Variants in DMXL2 observed in about 807,000 individuals in gnomAD.
DMXL2 encodes the protein Dmx like 2, also known as dmX-like protein 2.
In DMXL2, 103 loss-of-function variants were observed where a neutral mutation model predicts 331.1. The observed-to-expected ratio is 0.31, with a 90% CI of 0.27 to 0.37. The LOEUF is 0.37. Ranked by LOEUF, DMXL2 falls within the 10% of genes least tolerant of loss-of-function variation. The probability of loss-of-function intolerance (pLI) is 1.00; values close to 1 mark genes in which losing one functional copy is unlikely to be tolerated. For synonymous variants in DMXL2, 1,281 were observed against 1,252.1 expected (o/e 1.02, Z -0.49); for missense variants, 3,171 against 3,642.9 (o/e 0.87, Z 3.33).
chr15:51,594,252 A>G (rs2052618361), intron 1 of DMXL2, among the ~76,000 whole-genome samples: 1 of 152,226 alleles, frequency 6.6e-6, no homozygotes, highest in Non-Finnish European at 1.5e-5. Context: ...GATCCCACAG[A>G]AATACAAACT....
At chr15:51,490,535 A>G (rs2042720012) in intron 20 of DMXL2, among the ~76,000 whole-genome samples, 2 of 152,248 alleles carry the variant, frequency 1.3e-5, no homozygotes, top group Non-Finnish European at 1.5e-5. Context: ...TAATCCTGCT[A>G]AAGTAGAAAA....
At chr15:51,620,105 C>T (rs1289619782) in intron 1 of DMXL2, among the ~76,000 whole-genome samples, 1 of 152,156 alleles carries the variant, frequency 6.6e-6, no homozygotes, top group Non-Finnish European at 1.5e-5. Context: ...TATTTACAAA[C>T]ATAGGAACTT....
At chr15:51,535,820 A>G (rs1308663482) in intron 12 of DMXL2, 36 bp from the exon 13 acceptor site, 2 of 1,561,928 alleles carry the variant, frequency 1.3e-6, no homozygotes, top group East Asian at 2.3e-5. Context: ...GGTTCTAAAC[A>G]TGTAGTGTAT....
chr15:51,491,883 A>G, intron 19 of DMXL2, 136 bp from the exon 20 acceptor site: 1 of 677,310 alleles, frequency 1.5e-6, no homozygotes, highest in South Asian at 2.4e-5. Flanking sequence ...GCAGTCTGTC[A>G]TCATTCAGGA....
intron 25 of DMXL2, 101 bp downstream of exon 25, chr15:51,479,847 G>T: frequency 1.2e-6 from 1 of 829,296 alleles, no homozygotes; most frequent in Non-Finnish European, 1.7e-6. Flanking sequence ...GAGAAAGGTA[G>T]CACTTTGAAA....
At chr15:51,503,486 T>G (rs963018158) in intron 16 of DMXL2, among the ~76,000 whole-genome samples, 5 of 152,124 alleles carry the variant, frequency 3.3e-5, no homozygotes, top group Admixed American at 3.3e-4. Flanking sequence ...AATACAAATA[T>G]CACCTGTTCT....
rs776367691 is a variant in DMXL2, at chr15:51,537,523, C to A, written c.1582G>T (p.Asp528Tyr). 1 of 1,613,432 alleles carries A rather than the reference C, an allele frequency of 6.2e-7. No individual in the cohort carries two copies. Among genetic ancestry groups the A allele is most frequent in the Admixed American group, 1.7e-5 (1 of 59,966 alleles). Residue 528 changes from aspartate (D) to tyrosine (Y), a missense_variant, in exon 11 of 44, where the codon GAT becomes TAT. Physicochemically the swap from Asp to Tyr is radical, Grantham distance 160. This residue lies in a region of DMXL2 where 1,674 missense variants were observed against 1,780.2 expected (regional missense o/e 0.94). Coordinates refer to ENST00000560891, the MANE Select transcript of DMXL2 (RefSeq NM_001378457.1). ...TFLVWHVKYL[D>Y]EYNPGIFRQV... ...CTAAATATTCCAGGATTATATTCAT[C>A]CAAATACTTCACATGCCACACTAGA...
In DMXL2 at chr15:51,486,347, T is replaced by G; in HGVS notation, c.5218-10A>C. 1 of 1,540,042 alleles carries G rather than the reference T, an allele frequency of 6.5e-7. No homozygotes were observed. Among genetic ancestry groups the G allele is most frequent in the Non-Finnish European group, 8.9e-7 (1 of 1,118,758 alleles). On this transcript the variant is annotated splice_polypyrimidine_tract_variant and intron_variant, in intron 22 of 43. Coordinates refer to ENST00000560891, the MANE Select transcript of DMXL2 (RefSeq NM_001378457.1). The stretch of plus-strand genomic sequence containing the variant: ...TTTTTTCAAGACATACCTGCAAATT[T>G]AAATATTAATACTTATCTTACTTAA...
chr15:51,613,347 G>GA (rs1797168123), intron 1 of DMXL2, among the ~76,000 whole-genome samples: 1 of 152,164 alleles, frequency 6.6e-6, no homozygotes, highest in Non-Finnish European at 1.5e-5. Flanking sequence ...TTAATTTGGG[G>GA]AACTAATAAA....
chr15:51,539,104 G>A (rs2048445203), intron 9 of DMXL2, among the ~76,000 whole-genome samples: 1 of 151,834 alleles, frequency 6.6e-6, no homozygotes, highest in Admixed American at 6.6e-5. Flanking sequence ...CATCTACTTG[G>A]GAGGCTTAAG....
chr15:51,481,373 T>C lies in DMXL2; in HGVS notation c.5733A>G (p.Val1911=), dbSNP rs781477077. The change falls in exon 24 of 44, where the codon GTA becomes GTG. Residue 1911 remains valine, a synonymous_variant. Transcript: ENST00000560891. Reference sequence around the variant, plus strand: ...TTGCAGATAAGGCAGATGTTTTGGTTACTTTTGGAATTTTGGAGAGTACCT... The same window carrying C: ...TTGCAGATAAGGCAGATGTTTTGGTCACTTTTGGAATTTTGGAGAGTACCT... ...ALEVLSKIPK[V]TKTSALSAKK... is the part of the protein sequence containing the mutation. 3 of 1,613,926 alleles carry C rather than the reference T, an allele frequency of 1.9e-6. No homozygotes were observed. The highest frequency in any genetic ancestry group is 2.2e-5 in the South Asian group (2 of 91,040).
Position 51,536,256 on chromosome 15 carries a change from C to T in DMXL2, c.2224G>A (p.Val742Ile). ...GAGTTAATTCGAGCCAATTCTGATACTCCTCCAGTGTATGACAAAGGTCCT... is the reference window on the plus strand; with the variant it reads ...GAGTTAATTCGAGCCAATTCTGATATTCCTCCAGTGTATGACAAAGGTCCT... ...PIGPLSYTGG[V>I]SELARINSLH... Residue 742 changes from valine to isoleucine, a missense_variant, in exon 12 of 44, where the codon GTA becomes ATA. Physicochemically the swap from Val to Ile is conservative, Grantham distance 29 (BLOSUM62 3). Coordinates refer to ENST00000560891, the MANE Select transcript of DMXL2 (RefSeq NM_001378457.1). 6.2e-7 allele frequency: 1 copy of T among 1,613,996 alleles called. No individual in the cohort carries two copies. The highest frequency in any genetic ancestry group is 8.5e-7 in the Non-Finnish European group (1 of 1,179,936).
chr15:51,576,342 T>C (rs1043222961), intron 1 of DMXL2, among the ~76,000 whole-genome samples, 161 bp from the exon 2 acceptor site: 3 of 152,064 alleles, frequency 2.0e-5, no homozygotes, highest in Non-Finnish European at 2.9e-5. Flanking sequence ...AATAAGAACA[T>C]TAAAAGTCAC....
At chr15:51,599,088 C>T (rs774902452) in intron 1 of DMXL2, among the ~76,000 whole-genome samples, 2 of 151,992 alleles carry the variant, frequency 1.3e-5, no homozygotes, top group Non-Finnish European at 2.9e-5. Context: ...GGTTATAATC[C>T]ACTATCATTT....
intron 6 of DMXL2, among the ~76,000 whole-genome samples, chr15:51,562,817 T>C (rs911015826): frequency 8.5e-5 from 13 of 152,168 alleles, no homozygotes; most frequent in Admixed American, 3.3e-4. Flanking sequence ...TATGTGTATA[T>C]ATTAGATGTG....
At chr15:51,550,751 C>A (rs1011901561) in intron 6 of DMXL2, among the ~76,000 whole-genome samples, 3 of 151,994 alleles carry the variant, frequency 2.0e-5, no homozygotes, top group African/African-American at 7.3e-5. Context: ...GTAAGCGAAC[C>A]AGAGAAAACC....
intron 1 of DMXL2, among the ~76,000 whole-genome samples, chr15:51,621,478 C>T (rs796218634): frequency 1.7e-4 from 26 of 152,300 alleles, no homozygotes; most frequent in African/African-American, 5.1e-4. Context: ...TAATAAAGGT[C>T]TGGCTGCCTA....
chr15:51,476,082 A>C (rs574410410), intron 27 of DMXL2, among the ~76,000 whole-genome samples: 3 of 152,346 alleles, frequency 2.0e-5, no homozygotes, highest in African/African-American at 7.2e-5. Context: ...ATATACACTT[A>C]GGATATTGAA....
At chr15:51,589,599 C>T (rs1212485230) in intron 1 of DMXL2, among the ~76,000 whole-genome samples, 1 of 152,144 alleles carries the variant, frequency 6.6e-6, no homozygotes, top group Non-Finnish European at 1.5e-5. Context: ...AAACAGGATG[C>T]ATACAGTGAT....
Sources: gnomAD v4.1 joint callset for allele counts (sites outside exome capture counted in the v4.1 genomes callset) on GRCh38, gnomAD v4.1.1 for gene constraint, gnomAD v4.1.1 regional missense constraint, MANE v1.5 for transcripts, NCBI Gene and HGNC (gene_info 2026-07-23, HGNC 2026-07-21) for gene names.